FASN: variants seen among roughly 807,000 people sequenced by gnomAD.
FASN encodes the protein fatty acid synthase, also known as 3-hydroxyacyl-[acyl-carrier-protein] dehydratase.
A neutral mutation model predicts 250.0 loss-of-function variants in FASN; 50 were observed. That is an observed-to-expected ratio of 0.20 (90% CI 0.16 to 0.25). FASN has a LOEUF of 0.25. Among genes scored for constraint, FASN ranks in the 10% least tolerant of loss-of-function variants. The pLI is 1.00. For synonymous variants in FASN, 1,909 were observed against 1,584.0 expected (o/e 1.21, Z -4.87); for missense variants, 3,031 against 3,498.5 (o/e 0.87, Z 3.37).
At chr17:82,084,761 A>G in intron 26 of FASN, 38 bp downstream of exon 26, 2 of 1,549,650 alleles carry the variant, frequency 1.3e-6, no homozygotes, top group Non-Finnish European at 8.7e-7. Context: ...CTTCGGGTGC[A>G]GTCTCCCGGG....
chr17:82,081,308 C>G lies in FASN; in HGVS notation c.6451G>C (p.Asp2151His), dbSNP rs2033982859. 1.9e-6 allele frequency: 3 copies of G among 1,557,170 alleles called. No homozygotes were observed. Among genetic ancestry groups the G allele is most frequent in the Non-Finnish European group, 2.6e-6 (3 of 1,150,592 alleles). The change falls in exon 38 of 43, where the codon GAC becomes CAC. Residue 2151 changes from aspartate to histidine, a missense_variant. Physicochemically the swap from Asp to His is moderately conservative, Grantham distance 81. Transcript: ENST00000306749. The stretch of plus-strand genomic sequence containing the variant: ...CTCATGAGCGAGTCCAGGCCCAGGT[C>G]CGCCAGTGAGCTGTCCAGGTTGACA... ...AAVNLDSSLA[D>H]LGLDSLMSVE...
Position 82,093,315 on chromosome 17 carries a change from C to T in FASN, c.559G>A (p.Gly187Ser), listed in dbSNP as rs983679656. ...SGQCPAAIVG[G>S]INVLLKPNTS... ...TTGGGCTTCAGCAGGACATTGATGCCCCCCACGATGGCGGCAGGGCACTGC... is the reference window on the plus strand; with the variant it reads ...TTGGGCTTCAGCAGGACATTGATGCTCCCCACGATGGCGGCAGGGCACTGC... Residue 187 changes from glycine (G) to serine (S), a missense_variant, in exon 5 of 43, where the codon GGC becomes AGC. By Grantham distance (56) the Gly-to-Ser change is moderately conservative. Transcript: ENST00000306749. The T allele has an allele frequency of 3.8e-6, 6 of 1,599,686 alleles. No individual in the cohort carries two copies. In the South Asian group the frequency reaches 6.8e-5, roughly 18 times the overall value.
At chr17:82,086,668 A>G (rs908581574) in intron 21 of FASN, 110 bp from the exon 22 acceptor site, 2 of 832,956 alleles carry the variant, frequency 2.4e-6, no homozygotes, top group South Asian at 2.9e-5. Flanking sequence ...CGCTCTGCCC[A>G]CAGGATGAGA....
chr17:82,085,533 C>T lies in FASN; in HGVS notation c.4071G>A (p.Val1357=), dbSNP rs1177976546. 10 of 1,596,068 alleles carry T rather than the reference C, an allele frequency of 6.3e-6. No homozygotes were observed. In the South Asian group the frequency reaches 9.0e-5, roughly 14 times the overall value. The part of the protein sequence containing the change: ...LLRGHPLGDI[V]AFLTSTEPQY... ...GCGGCTCAGTGGAGGTGAGGAAGGC[C>T]ACGATGTCCCCGAGGGGGTGCCCCC... The change falls in exon 23 of 43, where the codon GTG becomes GTA. Residue 1357 remains valine, a synonymous_variant. Coordinates refer to ENST00000306749, the MANE Select transcript of FASN (RefSeq NM_004104.5).
chr17:82,085,537 A>T lies in FASN; in HGVS notation c.4067T>A (p.Ile1356Asn). Residue 1356 changes from isoleucine (I) to asparagine (N), a missense_variant, in exon 23 of 43, where the codon ATC (isoleucine) becomes AAC (asparagine). By Grantham distance (149) the Ile-to-Asn change is moderately radical. Coordinates refer to ENST00000306749, the MANE Select transcript of FASN (RefSeq NM_004104.5). ...CTCAGTGGAGGTGAGGAAGGCCACG[A>T]TGTCCCCGAGGGGGTGCCCCCGGAG... ...TLLRGHPLGD[I>N]VAFLTSTEPQ... The T allele has an allele frequency of 6.3e-7, 1 of 1,596,420 alleles. No individual in the cohort carries two copies. Among genetic ancestry groups the T allele is most frequent in the Non-Finnish European group, 8.5e-7 (1 of 1,172,202 alleles).
rs770820017 is a variant in FASN, at chr17:82,085,266, G to C, written c.4259C>G (p.Thr1420Ser). ...CAGAGACTCCACCCAGCGGAAGCTG[G>C]TATCGTCCACCGGCAGGAAGATGGG... ...DSPIFLPVDD[T>S]SFRWVESLKG... Residue 1420 changes from threonine to serine, a missense_variant, in exon 24 of 43, where the codon ACC becomes AGC. Transcript: ENST00000306749. 5.0e-6 allele frequency: 8 copies of C among 1,611,698 alleles called. No homozygotes were observed. In the East Asian group the frequency reaches 6.7e-5, roughly 13 times the overall value.
intron 31 of FASN, 44 bp from the exon 32 acceptor site, chr17:82,083,469 A>ACCCACACCCATCCATG (rs1555666567): frequency 4.3e-6 from 7 of 1,612,506 alleles, no homozygotes; most frequent in Non-Finnish European, 5.9e-6. Flanking sequence ...CCACAGGTCC[A>ACCCACACCCATCCATG]CCCACACCCA....
chr17:82,082,858 G>GGGGCCCGGGGCTGTGCC, intron 33 of FASN, 56 bp downstream of exon 33: 2 of 1,595,632 alleles, frequency 1.3e-6, no homozygotes, highest in Non-Finnish European at 1.7e-6. Flanking sequence ...GAAGGGCTCA[G>GGGGCCCGGGGCTGTGCC]GGGCCCGGGG....
Position 82,093,525 on chromosome 17 carries a change from G to A in FASN, c.454+73C>T, listed in dbSNP as rs17848960. ...CACACACTGCACGGAGTGAGCCCAC[G>A]CCACGTGGTTTCTGCTCAGCATGTG... On this transcript the variant is annotated intron_variant, in intron 4 of 42. Coordinates refer to ENST00000306749, the MANE Select transcript of FASN (RefSeq NM_004104.5). The A allele has an allele frequency of 1.5e-4, 236 of 1,603,532 alleles. 1 individual carries two copies. The East Asian group carries it at 4.1e-3, about 28-fold the overall frequency.
chr17:82,097,661 T>C (rs949742933), intron 1 of FASN: 4 of 151,856 alleles, frequency 2.6e-5, no homozygotes, highest in Non-Finnish European at 5.9e-5. Flanking sequence ...CCCCTGCGCT[T>C]CGGCCGGGCT....
intron 3 of FASN, 145 bp from the exon 4 acceptor site, chr17:82,093,916 G>A (rs1598584280): frequency 3.4e-6 from 3 of 875,644 alleles, no homozygotes; most frequent in Non-Finnish European, 5.4e-6. Flanking sequence ...ACCCTGGAAG[G>A]GGCCTAAGGA....
Position 82,078,811 on chromosome 17 carries a change from G to A in FASN, c.*332C>T, listed in dbSNP as rs1277201253. The A allele has an allele frequency of 9.3e-6, 4 of 427,834 alleles. No individual in the cohort carries two copies. Among genetic ancestry groups the A allele is most frequent in the Non-Finnish European group, 1.8e-5 (4 of 227,822 alleles). The allele number at this position is 427,834 out of a possible 1,614,324, so 26.5% of individuals were successfully genotyped here. A position where few individuals can be genotyped will look rare whatever the true frequency, so the allele number is the denominator to read the frequency against. On this transcript the variant is annotated 3_prime_UTR_variant, in exon 43 of 43. Transcript: ENST00000306749. This position sits in a 1 kb window ranked among gnomAD's most constrained non-coding sequence, Gnocchi z 5.4. ...AGGCCTGGGGGTCTCTACCAGCAAT[G>A]CAATAAATATGCAAATCCAAGCACA...
Position 82,090,861 on chromosome 17 carries a change from C to T in FASN, c.1680+21G>A, listed in dbSNP as rs200164640. On this transcript the variant is annotated intron_variant, in intron 10 of 42. Transcript: ENST00000306749. The stretch of plus-strand genomic sequence containing the variant: ...AGCCCTGGGGCTGGCGTTGCTCACA[C>T]GCTGGCAGGCTGGGCCCTACCTGGA... 335 of 1,564,554 alleles carry T rather than the reference C, an allele frequency of 2.1e-4. 4 individuals carry two copies. The Admixed American group carries it at 3.0e-3, about 14-fold the overall frequency.
chr17:82,079,260 G>A lies in FASN; in HGVS notation c.7419C>T (p.Ser2473=), dbSNP rs770106049. ...NLSQVCDGKV[S]VHVIEGDHRT... ...GGTGGTCACCCTCGATGACGTGGAC[G>A]GATACTTTCCCGTCGCATACCTGCA... The change falls in exon 43 of 43, where the codon TCC becomes TCT. Residue 2473 remains serine, a synonymous_variant. Transcript: ENST00000306749. 11 of 1,612,964 alleles carry A rather than the reference G, an allele frequency of 6.8e-6. No individual in the cohort carries two copies. Among genetic ancestry groups the A allele is most frequent in the South Asian group, 3.3e-5 (3 of 91,092 alleles).
At position 82,086,443 on chromosome 17, in the gene FASN, C is replaced by T. The variant is rs763526710; in HGVS notation, c.3543G>A (p.Leu1181=). 5.6e-6 allele frequency: 9 copies of T among 1,612,220 alleles called. No individual in the cohort carries two copies. Among genetic ancestry groups the T allele is most frequent in the East Asian group, 4.5e-5 (2 of 44,890 alleles). The change falls in exon 22 of 43, where the codon CTG becomes CTA. Residue 1181 remains leucine (L), a synonymous_variant. Transcript: ENST00000306749. ...GCTGAAGCCTGCAGGCAGCCGACAA[C>T]AGCCGGGGCAGTTCCTGCTGTGAGG... ...RDPSQQELPR[L]LSAACRLQLN... is the part of the protein sequence containing the mutation.
chr17:82,078,989 C>G lies in FASN; in HGVS notation c.*154G>C. On this transcript the variant is annotated 3_prime_UTR_variant, in exon 43 of 43. Transcript: ENST00000306749. This position sits in a 1 kb window ranked among gnomAD's most constrained non-coding sequence, Gnocchi z 5.4. ...GGAGGCGGCGGGTGGGTGGGACATG[C>G]CTAACACCTACATCTAGCAGCCTCG... The G allele has an allele frequency of 1.1e-6, 1 of 928,856 alleles. No homozygotes were observed. The highest frequency in any genetic ancestry group is 1.6e-6 in the Non-Finnish European group (1 of 613,620). 57.5% of individuals were successfully genotyped at this position (928,856 alleles called of 1,614,324 possible).
In FASN at chr17:82,084,494, G is replaced by A. The variant is rs200668722; in HGVS notation, c.4768+19C>T. The A allele has an allele frequency of 1.2e-4, 196 of 1,600,116 alleles. No individual in the cohort carries two copies. In the East Asian group the frequency reaches 4.0e-3, roughly 32 times the overall value. On this transcript the variant is annotated intron_variant, in intron 27 of 42. Coordinates refer to ENST00000306749, the MANE Select transcript of FASN (RefSeq NM_004104.5). ...GCTCCCCGGCCCAGTCCACTCCCAC[G>A]GCCCCATGCCACCCATACCTGGGAT...
intron 19 of FASN, 28 bp from the exon 20 acceptor site, chr17:82,087,532 G>A (rs768292502): frequency 1.9e-6 from 3 of 1,610,364 alleles, no homozygotes; most frequent in Non-Finnish European, 2.5e-6. Context: ...TTGGTGCTGT[G>A]GAACTCCCAG....
intron 29 of FASN, 30 bp from the exon 30 acceptor site, chr17:82,083,921 G>T: frequency 6.4e-7 from 1 of 1,552,084 alleles, no homozygotes. Context: ...CGGCTGGTGA[G>T]CCAGGGCGGC....
Sources: gnomAD v4.1 joint callset for allele counts on GRCh38, gnomAD v4.1.1 for gene constraint, Gnocchi (gnomAD v3.1) non-coding constraint, MANE v1.5 for transcripts, NCBI Gene and HGNC (gene_info 2026-07-23, HGNC 2026-07-21) for gene names.